MAP3K5: variants seen among roughly 807,000 people sequenced by gnomAD.
MAP3K5 encodes mitogen-activated protein kinase kinase kinase 5.
Under a neutral mutation model 158.7 loss-of-function variants are expected in MAP3K5, and 56 were observed. That is an observed-to-expected ratio of 0.35 (90% CI 0.28 to 0.44). The LOEUF (loss-of-function observed/expected upper bound fraction) is 0.44, where lower values mean the gene tolerates loss of function less well. Ranked by LOEUF, MAP3K5 falls within the 20% of genes least tolerant of loss-of-function variation. The pLI is 1.00. For synonymous variants in MAP3K5, 579 were observed against 601.7 expected (o/e 0.96, Z 0.55); for missense variants, 1,294 against 1,674.8 (o/e 0.77, Z 3.97).
chr6:136,753,493 T>C (rs921296225), intron 1 of MAP3K5, among the ~76,000 whole-genome samples: 6 of 151,944 alleles, frequency 3.9e-5, no homozygotes, highest in African/African-American at 1.4e-4. Context: ...TCACCACAGA[T>C]AGTATTTTTT....
chr6:136,729,001 G>A (rs187151084), intron 1 of MAP3K5, among the ~76,000 whole-genome samples: 9 of 152,272 alleles, frequency 5.9e-5, no homozygotes, highest in African/African-American at 9.6e-5. Flanking sequence ...GAGTGAAACA[G>A]AGACAGAGGA....
At chr6:136,745,568 G>A (rs1782902813) in intron 1 of MAP3K5, among the ~76,000 whole-genome samples, 1 of 152,096 alleles carries the variant, frequency 6.6e-6, no homozygotes, top group Non-Finnish European at 1.5e-5. Context: ...GTGACTCCCA[G>A]CACACCTACC....
chr6:136,722,662 C>CT (rs1223914457), intron 1 of MAP3K5, among the ~76,000 whole-genome samples: 1,268 of 110,760 alleles, frequency 0.011, 14 homozygotes, highest in African/African-American at 0.04. Context: ...ACTTTCTTTT[C>CT]TTTTTTTTTT....
intron 2 of MAP3K5, among the ~76,000 whole-genome samples, chr6:136,719,184 A>G (rs1781652100): frequency 6.6e-6 from 1 of 152,182 alleles, no homozygotes. Flanking sequence ...TAAATAAATA[A>G]ATAAATACAT....
In MAP3K5 at chr6:136,622,929, G is replaced by A. The variant is rs1776874102; in HGVS notation, c.2069C>T (p.Thr690Ile). The A allele has an allele frequency of 3.5e-5, 57 of 1,609,068 alleles. No individual in the cohort carries two copies. Among genetic ancestry groups the A allele is most frequent in the Non-Finnish European group, 4.8e-5 (57 of 1,176,346 alleles). ...CCGACCTGCGTAGACTATCCCATAA[G>A]TGCCTTTTCCTAAAACGACTCTGTC... is the stretch of plus-strand genomic sequence containing the variant. ...NGDRVVLGKG[T>I]YGIVYAGRDL... The change falls in exon 15 of 30, where the codon ACT (threonine) becomes ATT (isoleucine). Residue 690 changes from threonine (T) to isoleucine (I), a missense_variant. By Grantham distance (89) the Thr-to-Ile change is moderately conservative. Around this residue, in one of 5 missense-constraint regions of MAP3K5, gnomAD observed 690 missense variants for 870.5 expected, o/e 0.79. Coordinates refer to ENST00000359015, the MANE Select transcript of MAP3K5 (RefSeq NM_005923.4).
intron 14 of MAP3K5, among the ~76,000 whole-genome samples, chr6:136,631,606 G>A (rs560171381): frequency 1.3e-5 from 2 of 151,338 alleles, no homozygotes; most frequent in Admixed American, 6.6e-5. Flanking sequence ...TTGACCTCTC[G>A]GGCTCAAGCA....
chr6:136,724,369 C>A (rs1029266912), intron 1 of MAP3K5, among the ~76,000 whole-genome samples: 2 of 151,848 alleles, frequency 1.3e-5, no homozygotes, highest in African/African-American at 2.4e-5. Flanking sequence ...CTACCTCAGC[C>A]TCCCAAGTAG....
chr6:136,669,884 GGTGTGTGTGTGTGTGT>G (rs60778677), intron 7 of MAP3K5, among the ~76,000 whole-genome samples: 21 of 144,496 alleles, frequency 1.5e-4, no homozygotes, highest in South Asian at 1.1e-3. Context: ...CATCATTCAG[GGTGTGTGTGTGTGTGT>G]GTGTGTGTGT....
intron 25 of MAP3K5, among the ~76,000 whole-genome samples, chr6:136,576,740 T>C (rs1478854764): frequency 6.6e-6 from 1 of 152,194 alleles, no homozygotes; most frequent in Non-Finnish European, 1.5e-5. Flanking sequence ...ATCTAGGAAA[T>C]GAACGTACAA....
At chr6:136,571,592 T>C (rs897587522) in intron 25 of MAP3K5, among the ~76,000 whole-genome samples, 1 of 152,236 alleles carries the variant, frequency 6.6e-6, no homozygotes, top group African/African-American at 2.4e-5. Flanking sequence ...TTCCTTCCTT[T>C]CTAAGGCTGA....
intron 1 of MAP3K5, among the ~76,000 whole-genome samples, chr6:136,760,530 ATAC>A (rs1783701550): frequency 6.6e-6 from 1 of 152,260 alleles, no homozygotes; most frequent in Non-Finnish European, 1.5e-5. Flanking sequence ...GATTCAATAA[ATAC>A]TACTAAGGTC....
rs1213577934 is a variant in MAP3K5, at chr6:136,724,248, CTT to C, written c.449-3661_449-3660del. ...GTTTTCGGATTAAGAGAGAAACTGA[CTT>C]TTTTTTTTTTTTTTTTGAGATGGAG... is the stretch of plus-strand genomic sequence containing the variant. On this transcript the variant is annotated intron_variant, in intron 1 of 29. Transcript: ENST00000359015. 1.6e-3 allele frequency among the ~76,000 whole-genome samples: 219 copies of C among 134,598 alleles called. 3 individuals carry two copies. The South Asian group carries it at 0.033, about 20-fold the overall frequency. 88.3% of individuals were successfully genotyped at this position (134,598 alleles called of 152,430 possible).
chr6:136,629,526 C>A (rs1435214968), intron 14 of MAP3K5, among the ~76,000 whole-genome samples: 1 of 151,214 alleles, frequency 6.6e-6, no homozygotes, highest in Non-Finnish European at 1.5e-5. Context: ...ACAATCTCAG[C>A]TCGCTGCAAG....
intron 1 of MAP3K5, among the ~76,000 whole-genome samples, chr6:136,769,833 A>C (rs866940812): frequency 1.8e-4 from 3 of 16,798 alleles, no homozygotes; most frequent in African/African-American, 2.5e-4. Context: ...GAGGGAGGGA[A>C]GGGAGGGAGG....
At chr6:136,737,694 A>C (rs1386135471) in intron 1 of MAP3K5, among the ~76,000 whole-genome samples, 1 of 152,216 alleles carries the variant, frequency 6.6e-6, no homozygotes, top group Non-Finnish European at 1.5e-5. Context: ...AACACACATG[A>C]TTGTCTATAC....
At chr6:136,626,127 C>T (rs138585639) in intron 14 of MAP3K5, among the ~76,000 whole-genome samples, 1 of 152,270 alleles carries the variant, frequency 6.6e-6, no homozygotes, top group Non-Finnish European at 1.5e-5. Context: ...ACGCATGACT[C>T]GAGAGGATGG....
chr6:136,743,762 AT>A (rs1469096271), intron 1 of MAP3K5, among the ~76,000 whole-genome samples: 1 of 152,242 alleles, frequency 6.6e-6, no homozygotes, highest in African/African-American at 2.4e-5. Flanking sequence ...TTTATTCATA[AT>A]TGCTAAAACT....
intron 23 of MAP3K5, among the ~76,000 whole-genome samples, chr6:136,585,582 C>T (rs911810333): frequency 6.6e-6 from 1 of 151,780 alleles, no homozygotes; most frequent in Admixed American, 6.6e-5. Flanking sequence ...TCACAACAAC[C>T]TCTGCCTCCC....
chr6:136,730,614 C>G (rs1782181204), intron 1 of MAP3K5, among the ~76,000 whole-genome samples: 1 of 150,746 alleles, frequency 6.6e-6, no homozygotes, highest in Admixed American at 6.6e-5. Context: ...CCCAGCTACT[C>G]AGGAGGCTGA....
Sources: allele counts gnomAD v4.1 joint callset (sites outside exome capture counted in the v4.1 genomes callset), GRCh38; gene constraint gnomAD v4.1.1; regional missense constraint gnomAD v4.1.1; transcripts MANE v1.5; gene names NCBI Gene and HGNC (gene_info 2026-07-23, HGNC 2026-07-21).